Variants in KCNT2 observed in about 807,000 individuals in gnomAD.
KCNT2 encodes the protein potassium sodium-activated channel subfamily T member 2.
Under a neutral mutation model 153.8 loss-of-function variants are expected in KCNT2, and 67 were observed. The ratio of observed to expected loss-of-function variants is 0.44; its 90% CI spans 0.36 to 0.53. The LOEUF (loss-of-function observed/expected upper bound fraction) is 0.53. Ranked by LOEUF, KCNT2 falls within the 20% of genes least tolerant of loss-of-function variation. The pLI is 0.00. For synonymous variants in KCNT2, 500 were observed against 458.8 expected, an observed-to-expected ratio of 1.09 and a Z score of -1.15; for missense variants, 975 against 1,354.8, an observed-to-expected ratio of 0.72 and a Z score of 4.40.
rs754537282 is a variant in KCNT2 at position 196,536,124 on chromosome 1, C to A, written c.96-43783G>T. Among the ~76,000 whole-genome samples, 60 of 152,332 alleles carry A rather than the reference C, an allele frequency of 3.9e-4. 1 individual carries two copies. The highest frequency in any genetic ancestry group is 8.1e-4 in the Non-Finnish European group (55 of 68,030). ...AGGCAACCACTCCACATGACATTAC[C>A]ACAAGGCTGCTTTATACATTAAGTC... On this transcript the variant is annotated intron_variant, in intron 1 of 27. Transcript: ENST00000294725.
chr1:196,574,867 CAG>C (rs1053299473), intron 1 of KCNT2, among the ~76,000 whole-genome samples: 3 of 151,806 alleles, frequency 2.0e-5, no homozygotes, highest in South Asian at 2.1e-4. Context: ...CAAGATAAAG[CAG>C]AGTTTTGAGT....
At chr1:196,568,723 A>G (rs1343031646) in intron 1 of KCNT2, among the ~76,000 whole-genome samples, 2 of 151,292 alleles carry the variant, frequency 1.3e-5, no homozygotes, top group Non-Finnish European at 2.9e-5. Context: ...CAGGCCACAG[A>G]CCAGTATTGG....
intron 14 of KCNT2, among the ~76,000 whole-genome samples, chr1:196,344,484 G>A (rs541690527): frequency 3.3e-5 from 5 of 151,944 alleles, no homozygotes; most frequent in Admixed American, 2.0e-4. Context: ...CGTTCCCTTT[G>A]GCAAACAAAA....
intron 22 of KCNT2, among the ~76,000 whole-genome samples, chr1:196,302,102 A>G (rs1297142244): frequency 1.3e-5 from 2 of 152,202 alleles, no homozygotes. Context: ...GTGCAAGGGC[A>G]TCTACTTATA....
intron 1 of KCNT2, among the ~76,000 whole-genome samples, chr1:196,565,592 CAT>C (rs138353023): frequency 0.16 from 23,495 of 145,016 alleles, 5,047 homozygotes; most frequent in African/African-American, 0.5. Flanking sequence ...AATCATTATA[CAT>C]ATATATATAT....
intron 1 of KCNT2, among the ~76,000 whole-genome samples, chr1:196,595,469 A>C (rs1195076155): frequency 6.6e-6 from 1 of 152,042 alleles, no homozygotes; most frequent in Non-Finnish European, 1.5e-5. Flanking sequence ...ATCCCTTGGT[A>C]TCTAGAGGGG....
intron 21 of KCNT2, among the ~76,000 whole-genome samples, chr1:196,308,543 T>G (rs1479121180): frequency 6.6e-6 from 1 of 152,060 alleles, no homozygotes; most frequent in Admixed American, 6.6e-5. Context: ...CTGACTTCTT[T>G]GGATCTCAAT....
At chr1:196,360,601 T>C (rs1456093234) in intron 14 of KCNT2, among the ~76,000 whole-genome samples, 1 of 152,002 alleles carries the variant, frequency 6.6e-6, no homozygotes, top group East Asian at 1.9e-4. Flanking sequence ...ACTGTTGAGG[T>C]GGGCCCTATT....
intron 12 of KCNT2, 30 bp from the exon 13 acceptor site, chr1:196,398,701 C>T (rs1164707782): frequency 8.9e-7 from 1 of 1,117,546 alleles, no homozygotes; most frequent in Non-Finnish European, 1.3e-6. Flanking sequence ...AACATCATAG[C>T]ATAAGTTACA....
intron 1 of KCNT2, among the ~76,000 whole-genome samples, chr1:196,597,571 T>C (rs4411090): frequency 0.98 from 149,613 of 152,226 alleles, 73,565 homozygotes; most frequent in Middle Eastern, 1. Flanking sequence ...GGATAAATTT[T>C]CTTTAAATTT....
intron 19 of KCNT2, among the ~76,000 whole-genome samples, chr1:196,325,816 A>G (rs1663791602): frequency 6.6e-6 from 1 of 152,268 alleles, no homozygotes; most frequent in African/African-American, 2.4e-5. Context: ...AGAAAGTTGC[A>G]TCAATAAGTA....
At chr1:196,308,435 T>A (rs182986051) in intron 21 of KCNT2, among the ~76,000 whole-genome samples, 1 of 152,134 alleles carries the variant, frequency 6.6e-6, no homozygotes, top group South Asian at 2.1e-4. Context: ...TTGTCCAGTA[T>A]GTCTCCTCAC....
chr1:196,601,120 C>G (rs537555647), intron 1 of KCNT2, among the ~76,000 whole-genome samples: 1 of 152,342 alleles, frequency 6.6e-6, no homozygotes, highest in Admixed American at 6.5e-5. Flanking sequence ...CTTGAAAATG[C>G]CTTGCTCTCT....
At chr1:196,284,521 G>A (rs1202278638) in intron 23 of KCNT2, among the ~76,000 whole-genome samples, 1 of 151,496 alleles carries the variant, frequency 6.6e-6, no homozygotes, top group Non-Finnish European at 1.5e-5. Context: ...GGTGCATAAT[G>A]GTACCCAAGC....
At chr1:196,358,082 T>A (rs1489787453) in intron 14 of KCNT2, among the ~76,000 whole-genome samples, 1 of 151,712 alleles carries the variant, frequency 6.6e-6, no homozygotes, top group African/African-American at 2.4e-5. Context: ...CTAACTATCA[T>A]TTTCTCTAAC....
At chr1:196,367,600 A>G (rs1668152784) in intron 14 of KCNT2, among the ~76,000 whole-genome samples, 1 of 152,204 alleles carries the variant, frequency 6.6e-6, no homozygotes, top group Non-Finnish European at 1.5e-5. Context: ...TGTGAAATAT[A>G]TCCTTTATGC....
intron 1 of KCNT2, among the ~76,000 whole-genome samples, chr1:196,602,999 G>A (rs1217597725): frequency 6.6e-6 from 1 of 150,432 alleles, no homozygotes; most frequent in Non-Finnish European, 1.5e-5. Context: ...TGTTAGCCAG[G>A]ATGGTCTCGA....
intron 13 of KCNT2, among the ~76,000 whole-genome samples, chr1:196,387,256 C>A (rs1270042764): frequency 6.6e-6 from 1 of 151,984 alleles, no homozygotes; most frequent in Non-Finnish European, 1.5e-5. Flanking sequence ...CTACTATCCT[C>A]TATCTTGGTG....
intron 1 of KCNT2, among the ~76,000 whole-genome samples, chr1:196,497,670 G>A (rs1680363305): frequency 6.6e-6 from 1 of 152,074 alleles, no homozygotes; most frequent in Admixed American, 6.5e-5. Flanking sequence ...AATTATATCA[G>A]TAATGGATGG....
Sources: gnomAD v4.1 joint callset for allele counts (sites outside exome capture counted in the v4.1 genomes callset) on GRCh38, gnomAD v4.1.1 for gene constraint, MANE v1.5 for transcripts, NCBI Gene and HGNC (gene_info 2026-07-23, HGNC 2026-07-21) for gene names.